Variants in INKA2 observed in about 807,000 individuals in gnomAD.
The protein encoded by INKA2 is PAK4-inhibitor INKA2.
A neutral mutation model predicts 9.8 loss-of-function variants in INKA2; 3 were observed. That is an observed-to-expected ratio of 0.31 (90% CI 0.14 to 0.79). INKA2 has a LOEUF of 0.79. INKA2 is among the 30% of genes least tolerant of loss of function. INKA2 has a pLI of 0.62. For missense variants in INKA2, 392 were observed against 384.4 expected (o/e 1.02, Z -0.17); for synonymous variants, 147 against 143.3 (o/e 1.03, Z -0.18).
At position 111,749,417 on chromosome 1, in the gene INKA2, T is replaced by A. The variant is rs534400753; in HGVS notation, n.124+6284A>T. On this transcript the variant is annotated intron_variant and non_coding_transcript_variant, in intron 1 of 1. Transcript: ENST00000444059. ...GTGTGAGGTAACTATGCTGTGTGTG[T>A]TGGGGTGTGTGTGTGTGTGTGTGTG... 2.9e-5 allele frequency among the ~76,000 whole-genome samples: 4 copies of A among 140,104 alleles called. No homozygotes were observed. In the East Asian group the frequency reaches 8.3e-4, roughly 29 times the overall value. 91.9% of individuals were successfully genotyped at this position (140,104 alleles called of 152,430 possible).
upstream of INKA2, among the ~76,000 whole-genome samples, chr1:111,741,899 A>AATTT (rs1663158635): frequency 6.6e-6 from 1 of 152,040 alleles, no homozygotes; most frequent in Non-Finnish European, 1.5e-5. Flanking sequence ...TATTTTTAGT[A>AATTT]GAGACGGGGT....
Position 111,739,290 on chromosome 1 carries a change from C to CTG in INKA2, c.-49_-48insCA, listed in dbSNP as rs1390576555. The CTG allele has an allele frequency of 5.6e-6, 9 of 1,610,698 alleles. No homozygotes were observed. In the African/African-American group the frequency reaches 1.1e-4, roughly 19 times the overall value. On this transcript the variant is annotated 5_prime_UTR_variant, in exon 1 of 2. Transcript: ENST00000357260. ...TCAAACAGAGAGGGCCCGGGTGAAA[C>CTG]CCCGGCCCCACTGGAAACTGCGCTC...
At chr1:111,740,991 A>C (rs1448035955), upstream of INKA2, among the ~76,000 whole-genome samples, 1 of 58,892 alleles carries the variant, frequency 1.7e-5, no homozygotes, top group Non-Finnish European at 3.9e-5. Context: ...AAAAAAAAAA[A>C]AAAAAAAAAA....
chr1:111,733,851 T>C (rs1662959863), intron 1 of INKA2, among the ~76,000 whole-genome samples: 1 of 152,156 alleles, frequency 6.6e-6, no homozygotes, highest in African/African-American at 2.4e-5. Context: ...CTTCCATCCA[T>C]CTCACGCCCT....
chr1:111,745,079 G>A (rs894773429), intron 1 of INKA2, among the ~76,000 whole-genome samples: 1 of 151,588 alleles, frequency 6.6e-6, no homozygotes, highest in Admixed American at 6.6e-5. Flanking sequence ...TCCAAATAAT[G>A]AACAGGTAGT....
At chr1:111,732,143 C>A (rs1662919201) in intron 1 of INKA2, among the ~76,000 whole-genome samples, 1 of 152,156 alleles carries the variant, frequency 6.6e-6, no homozygotes, top group Admixed American at 6.5e-5. Flanking sequence ...AGAGAGGAGC[C>A]AGCAAAACAG....
upstream of INKA2, among the ~76,000 whole-genome samples, chr1:111,740,959 A>T: frequency 1.8e-5 from 2 of 111,108 alleles, 1 homozygote; most frequent in African/African-American, 6.6e-5. Context: ...GCAACAAGAG[A>T]GAAACTCCGT....
chr1:111,747,730 G>T (rs2295044), intron 1 of INKA2: 1 of 152,240 alleles, frequency 6.6e-6, no homozygotes, highest in Non-Finnish European at 1.5e-5. Context: ...TGGGAAAGGG[G>T]TGGATGTGTC....
chr1:111,755,544 G>T, intron 1 of INKA2: 1 of 783,888 alleles, frequency 1.3e-6, no homozygotes, highest in Non-Finnish European at 2.0e-6. Context: ...GCACGAGACG[G>T]GGGCGTGACG....
At chr1:111,739,565 C>A, upstream of INKA2, 1 of 571,554 alleles carries the variant, frequency 1.7e-6, no homozygotes, top group South Asian at 2.8e-5. Context: ...GACCCGGGCG[C>A]AGCCACTGGG....
At chr1:111,748,579 C>T (rs1663324097) in intron 1 of INKA2, among the ~76,000 whole-genome samples, 1 of 152,164 alleles carries the variant, frequency 6.6e-6, no homozygotes, top group Non-Finnish European at 1.5e-5. Context: ...AATCTCACCT[C>T]CTATCTATAG....
intron 1 of INKA2, among the ~76,000 whole-genome samples, chr1:111,732,216 G>A (rs1662921000): frequency 6.6e-6 from 1 of 152,220 alleles, no homozygotes; most frequent in Non-Finnish European, 1.5e-5. Flanking sequence ...GGCCGAGCTT[G>A]GGATATGCCT....
At chr1:111,753,123 C>T (rs1181293074) in intron 1 of INKA2, 1 of 152,198 alleles carries the variant, frequency 6.6e-6, no homozygotes, top group Non-Finnish European at 1.5e-5. Context: ...GAATCTCTCC[C>T]TCCTCTAGCT....
intron 1 of INKA2, among the ~76,000 whole-genome samples, chr1:111,749,860 TG>T (rs1426682090): frequency 6.6e-6 from 1 of 152,184 alleles, no homozygotes; most frequent in Non-Finnish European, 1.5e-5. Flanking sequence ...ATCCCTCAAA[TG>T]CATATTCTAT....
upstream of INKA2, among the ~76,000 whole-genome samples, chr1:111,743,135 G>A (rs1042641128): frequency 1.3e-5 from 2 of 152,300 alleles, no homozygotes; most frequent in South Asian, 2.1e-4. Context: ...GCTGGGGGAC[G>A]TGATTCATTT....
chr1:111,751,751 C>T lies in INKA2; in HGVS notation n.124+3950G>A, dbSNP rs528774902. ...CCTCACCTCCAGACCTCCGTTTTCCCCTCCTCTGTCACAAGGCCAACTTTG... is the reference window on the plus strand; with the variant it reads ...CCTCACCTCCAGACCTCCGTTTTCCTCTCCTCTGTCACAAGGCCAACTTTG... On this transcript the variant is annotated intron_variant and non_coding_transcript_variant, in intron 1 of 1. Transcript: ENST00000444059. 2.0e-5 allele frequency among the ~76,000 whole-genome samples: 3 copies of T among 152,248 alleles called. No individual in the cohort carries two copies. In the South Asian group the frequency reaches 6.2e-4, roughly 32 times the overall value.
rs968667927 is a variant in INKA2 at position 111,723,197 on chromosome 1, T to A, written c.*3771A>T. On this transcript the variant is annotated 3_prime_UTR_variant, in exon 2 of 2. Transcript: ENST00000357260. Reference sequence around the variant, plus strand: ...TGCTCTTGCTCTTGTCCAGACCACGTAGGAAACGATGGTGTGACTTGGGAA... The same window carrying A: ...TGCTCTTGCTCTTGTCCAGACCACGAAGGAAACGATGGTGTGACTTGGGAA... 6.5e-6 allele frequency: 4 copies of A among 618,824 alleles called. No individual in the cohort carries two copies. The highest frequency in any genetic ancestry group is 1.2e-5 in the Non-Finnish European group (4 of 345,268). The allele number at this position is 618,824 out of a possible 1,614,324, so 38.3% of individuals were successfully genotyped here.
intron 1 of INKA2, chr1:111,755,545 G>A (rs1663520713): frequency 2.5e-6 from 2 of 793,770 alleles, no homozygotes; most frequent in South Asian, 1.9e-5. Context: ...CACGAGACGG[G>A]GGCGTGACGC....
Position 111,727,657 on chromosome 1 carries a change from C to A in INKA2, c.205G>T (p.Gly69Cys), listed in dbSNP as rs760349464. 4 of 1,610,118 alleles carry A rather than the reference C, an allele frequency of 2.5e-6. No individual in the cohort carries two copies. In the African/African-American group the frequency reaches 5.3e-5, roughly 22 times the overall value. The change falls in exon 2 of 2, where the codon GGT becomes TGT. Residue 69 changes from glycine to cysteine, a missense_variant. Transcript: ENST00000357260. ...GGGTGCTCGCACTGGGTCCTGGGACCTTCAGGGCTGCCTGGCACAGGACCC... is the reference window on the plus strand; with the variant it reads ...GGGTGCTCGCACTGGGTCCTGGGACATTCAGGGCTGCCTGGCACAGGACCC... ...GGGPVPGSPEGPRTQCEHPCW... is the reference protein window; with the variant it reads ...GGGPVPGSPECPRTQCEHPCW...
Sources: gnomAD v4.1 joint callset for allele counts (sites outside exome capture counted in the v4.1 genomes callset) on GRCh38, gnomAD v4.1.1 for gene constraint, MANE v1.5 for transcripts, NCBI Gene and HGNC (gene_info 2026-07-23, HGNC 2026-07-21) for gene names.